Variants in SPTSSA observed in about 807,000 individuals in gnomAD.
SPTSSA encodes serine palmitoyltransferase small subunit A, also known as small subunit of serine palmitoyltransferase A.
Under a neutral mutation model 9.1 loss-of-function variants are expected in SPTSSA, and 8 were observed. That is an observed-to-expected ratio of 0.88 (90% CI 0.51 to 1.58). The LOEUF (loss-of-function observed/expected upper bound fraction) is 1.58. Among genes scored for constraint, SPTSSA ranks in the 40% most tolerant of loss-of-function variants. The pLI, the probability that SPTSSA is intolerant of heterozygous loss-of-function variation, is 0.00. For synonymous variants in SPTSSA, 42 were observed against 37.7 expected, an observed-to-expected ratio of 1.11 and a Z score of -0.41; for missense variants, 100 against 93.8, an observed-to-expected ratio of 1.07 and a Z score of -0.27.
rs139682650 is a variant in SPTSSA at position 34,449,226 on chromosome 14, G to A, written c.112+12870C>T. The stretch of plus-strand genomic sequence containing the variant: ...GCCTGGGCAACAATAGTGAAACCCC[G>A]TCTCTACAAAAACAAACAATTAGCC... On this transcript the variant is annotated intron_variant, in intron 1 of 1. Coordinates refer to ENST00000298130, the MANE Select transcript of SPTSSA (RefSeq NM_138288.4). 5.2e-3 allele frequency among the ~76,000 whole-genome samples: 794 copies of A among 151,546 alleles called. 37 individuals are homozygous for A. Among genetic ancestry groups the A allele is most frequent in the Admixed American group, 0.046 (707 of 15,210 alleles).
intron 1 of SPTSSA, among the ~76,000 whole-genome samples, chr14:34,437,139 A>G (rs775946408): frequency 1.1e-4 from 17 of 152,214 alleles, no homozygotes; most frequent in South Asian, 4.1e-4. Context: ...AACCCTTTCC[A>G]TTTATGCCTG....
At chr14:34,455,625 T>C (rs1203007252) in intron 1 of SPTSSA, among the ~76,000 whole-genome samples, 2 of 151,934 alleles carry the variant, frequency 1.3e-5, no homozygotes, top group Admixed American at 6.6e-5. Context: ...AATTAGTATA[T>C]TGAGATGCAA....
chr14:34,441,361 C>A (rs926164298), intron 1 of SPTSSA, among the ~76,000 whole-genome samples: 1 of 152,218 alleles, frequency 6.6e-6, no homozygotes, highest in African/African-American at 2.4e-5. Context: ...CCCAAGGAAC[C>A]AATGGAATCC....
At chr14:34,443,134 G>GGGGTGTGTGT (rs1159531948) in intron 1 of SPTSSA, among the ~76,000 whole-genome samples, 1 of 36,982 alleles carries the variant, frequency 2.7e-5, no homozygotes, top group African/African-American at 2.3e-4. Flanking sequence ...TGCTTCTAGG[G>GGGGTGTGTGT]GTGTGTGTGT....
At chr14:34,449,566 G>A (rs932461962) in intron 1 of SPTSSA, among the ~76,000 whole-genome samples, 1 of 139,318 alleles carries the variant, frequency 7.2e-6, no homozygotes, top group African/African-American at 2.7e-5. Context: ...GCAATGGCAC[G>A]ATCTTGGCTC....
intron 1 of SPTSSA, among the ~76,000 whole-genome samples, chr14:34,435,530 T>A (rs576422890): frequency 3.3e-5 from 5 of 152,162 alleles, no homozygotes; most frequent in Admixed American, 3.3e-4. Flanking sequence ...GCTCATTCTA[T>A]CTTTACTATC....
rs564706285 is a variant in SPTSSA at position 34,447,573 on chromosome 14, G to T, written c.113-12269C>A. Among the ~76,000 whole-genome samples the T allele has an allele frequency of 3.3e-5, 5 of 152,270 alleles. No individual in the cohort carries two copies. In the East Asian group the frequency reaches 9.6e-4, roughly 29 times the overall value. On this transcript the variant is annotated intron_variant, in intron 1 of 1. Transcript: ENST00000298130. ...GAAAATGATGGTAACTGAGAGTGGT[G>T]CTATGGCCCTAAGTTTTGCTCATAC...
intron 1 of SPTSSA, among the ~76,000 whole-genome samples, chr14:34,456,076 C>CT (rs1192349721): frequency 1.3e-5 from 2 of 152,106 alleles, no homozygotes; most frequent in East Asian, 3.8e-4. Flanking sequence ...ATAATCCCAG[C>CT]ACTTTGGGAG....
intron 1 of SPTSSA, among the ~76,000 whole-genome samples, chr14:34,454,991 G>A (rs933404676): frequency 6.6e-6 from 1 of 152,014 alleles, no homozygotes; most frequent in Non-Finnish European, 1.5e-5. Flanking sequence ...TGAGGCTGAG[G>A]CAGGAGAATT....
chr14:34,445,428 G>C (rs1357116287), intron 1 of SPTSSA, among the ~76,000 whole-genome samples: 2 of 151,704 alleles, frequency 1.3e-5, no homozygotes, highest in Non-Finnish European at 2.9e-5. Context: ...TTAAACCTGG[G>C]TGGCAGATGT....
intron 1 of SPTSSA, among the ~76,000 whole-genome samples, chr14:34,457,984 A>AG (rs1320535541): frequency 6.7e-6 from 1 of 149,540 alleles, no homozygotes; most frequent in Non-Finnish European, 1.5e-5. Context: ...AAAAAAAAAA[A>AG]AAAAAACAAA....
intron 1 of SPTSSA, among the ~76,000 whole-genome samples, chr14:34,440,180 AC>A (rs1246368402): frequency 3.9e-5 from 6 of 152,358 alleles, no homozygotes; most frequent in Non-Finnish European, 7.4e-5. Context: ...TAACAAAAAA[AC>A]ATGCTAAATA....
intron 1 of SPTSSA, among the ~76,000 whole-genome samples, chr14:34,452,055 G>A (rs1242020494): frequency 2.0e-5 from 3 of 151,940 alleles, no homozygotes; most frequent in South Asian, 2.1e-4. Context: ...TTGGGAGGCC[G>A]GGGCGGGCAT....
intron 1 of SPTSSA, among the ~76,000 whole-genome samples, chr14:34,449,059 A>C (rs1006316235): frequency 6.6e-6 from 1 of 152,122 alleles, no homozygotes; most frequent in Non-Finnish European, 1.5e-5. Context: ...CAGTAAGTGA[A>C]CAAGCACATA....
chr14:34,452,809 G>C (rs1303447056), intron 1 of SPTSSA, among the ~76,000 whole-genome samples: 2 of 152,168 alleles, frequency 1.3e-5, no homozygotes, highest in African/African-American at 4.8e-5. Context: ...ACATGTTTCT[G>C]TAACATCAGA....
rs1883209001 is a variant in SPTSSA, at chr14:34,434,552, G to A, written c.*649C>T. 1 of 152,548 alleles carries A rather than the reference G, an allele frequency of 6.6e-6. No individual in the cohort carries two copies. The highest frequency in any genetic ancestry group is 1.5e-5 in the Non-Finnish European group (1 of 68,004). 9.4% of individuals were successfully genotyped at this position (152,548 alleles called of 1,614,324 possible). ...CCACATAAGAATTAAATATTTAAAA[G>A]GTGAAATGTTCCTTATTTTAACTTT... On this transcript the variant is annotated 3_prime_UTR_variant, in exon 2 of 2. Coordinates refer to ENST00000298130, the MANE Select transcript of SPTSSA (RefSeq NM_138288.4).
At chr14:34,450,521 T>G (rs971238158) in intron 1 of SPTSSA, among the ~76,000 whole-genome samples, 6 of 152,230 alleles carry the variant, frequency 3.9e-5, no homozygotes, top group Admixed American at 2.6e-4. Context: ...GAACTCTTCT[T>G]GTTGTTTGCA....
At chr14:34,443,179 A>T (rs1164733009) in intron 1 of SPTSSA, among the ~76,000 whole-genome samples, 1 of 33,354 alleles carries the variant, frequency 3.0e-5, no homozygotes, top group African/African-American at 2.2e-4. Flanking sequence ...GTGTTTTGAG[A>T]TTGAGTTTTC....
intron 1 of SPTSSA, among the ~76,000 whole-genome samples, chr14:34,439,989 C>G (rs1389773545): frequency 2.6e-5 from 4 of 152,214 alleles, no homozygotes; most frequent in Non-Finnish European, 5.9e-5. Context: ...TTTTCCCATT[C>G]TTACCCCAAC....
Sources: gnomAD v4.1 joint callset for allele counts (sites outside exome capture counted in the v4.1 genomes callset) on GRCh38, gnomAD v4.1.1 for gene constraint, MANE v1.5 for transcripts, NCBI Gene and HGNC (gene_info 2026-07-23, HGNC 2026-07-21) for gene names.